The following CD200R1L variants were observed in gnomAD, a reference collection of about 807,000 sequenced individuals.
CD200R1L encodes CD200 receptor 1 like, also known as cell surface glycoprotein CD200 receptor 2.
In CD200R1L, 14 loss-of-function variants were observed where a neutral mutation model predicts 24.8. The observed-to-expected ratio is 0.56, with a 90% CI of 0.37 to 0.88. The LOEUF is 0.88. Among genes scored for constraint, CD200R1L ranks in the 40% least tolerant of loss-of-function variants. The pLI is 0.00. For synonymous variants in CD200R1L, 111 were observed against 109.2 expected, an observed-to-expected ratio of 1.02 and a Z score of -0.11; for missense variants, 299 against 297.8, an observed-to-expected ratio of 1.00 and a Z score of -0.03.
intron 3 of CD200R1L, among the ~76,000 whole-genome samples, chr3:112,835,950 C>G (rs1044690956): frequency 6.6e-6 from 1 of 152,238 alleles, no homozygotes; most frequent in Non-Finnish European, 1.5e-5. Context: ...GGCTGCACCC[C>G]CTCTCTGTGT....
intron 4 of CD200R1L, 55 bp downstream of exon 4, chr3:112,829,264 C>T (rs1938739254): frequency 5.8e-6 from 8 of 1,372,154 alleles, no homozygotes; most frequent in Admixed American, 3.4e-5. Flanking sequence ...AATGATTCTA[C>T]TGAAGTTCAA....
chr3:112,845,054 A>T (rs1939170124), intron 2 of CD200R1L, among the ~76,000 whole-genome samples: 1 of 152,184 alleles, frequency 6.6e-6, no homozygotes, highest in Non-Finnish European at 1.5e-5. Context: ...AACTGAATGA[A>T]ATTGAGATCC....
intron 4 of CD200R1L, among the ~76,000 whole-genome samples, chr3:112,828,005 G>T (rs1275915909): frequency 6.6e-6 from 1 of 152,144 alleles, no homozygotes; most frequent in Non-Finnish European, 1.5e-5. Context: ...AAAGAAAACA[G>T]AATTATAATT....
chr3:112,823,242 T>C (rs965596934), intron 6 of CD200R1L, among the ~76,000 whole-genome samples: 1 of 152,214 alleles, frequency 6.6e-6, no homozygotes, highest in African/African-American at 2.4e-5. Flanking sequence ...TTTGCTTAAA[T>C]AAACTCTTTT....
rs769396322 is a variant in CD200R1L at position 112,827,061 on chromosome 3, TTG to T, written c.546_547del (p.His182GlnfsTer91). On this transcript the variant is annotated frameshift_variant, in exon 6 of 8. Coordinates refer to ENST00000488794, the MANE Select transcript of CD200R1L (RefSeq NM_001199215.3). LOFTEE classifies it high-confidence loss of function. ...GGAGACATGGCAGGTCACAGTAGACTTGTGGCCCTCCCAGGGGCATGTACTCT... is the reference window on the plus strand; with the variant it reads ...GGAGACATGGCAGGTCACAGTAGACTTGGCCCTCCCAGGGGCATGTACTCT... The T allele has an allele frequency of 3.7e-6, 6 of 1,601,954 alleles. No homozygotes were observed. The highest frequency in any genetic ancestry group is 4.3e-6 in the Non-Finnish European group (5 of 1,173,060).
chr3:112,834,109 G>T (rs10511314), intron 3 of CD200R1L, among the ~76,000 whole-genome samples: 3 of 151,974 alleles, frequency 2.0e-5, no homozygotes. Context: ...GTTTGGAAAT[G>T]ATATCTTATG....
At position 112,827,018 on chromosome 3, in the gene CD200R1L, C is replaced by G. The variant is rs764759365; in HGVS notation, c.591G>C (p.Lys197Asn). ...TCHVSHLTGN[K>N]SLSVKLNSGL... is the part of the protein sequence containing the mutation. Reference sequence around the variant, plus strand: ...CTGAATTCAACTTTACGGACAGACTCTTGTTGCCAGTCAAATGGGAGACAT... The same window carrying G: ...CTGAATTCAACTTTACGGACAGACTGTTGTTGCCAGTCAAATGGGAGACAT... The change falls in exon 6 of 8, where the codon AAG becomes AAC. Residue 197 changes from lysine to asparagine, a missense_variant. Lys to Asn is a moderately conservative substitution (Grantham distance 94). Coordinates refer to ENST00000488794, the MANE Select transcript of CD200R1L (RefSeq NM_001199215.3). The G allele has an allele frequency of 1.9e-6, 3 of 1,611,796 alleles. No homozygotes were observed. Among genetic ancestry groups the G allele is most frequent in the Non-Finnish European group, 2.5e-6 (3 of 1,179,606 alleles).
chr3:112,839,150 A>G (rs1392142289), intron 2 of CD200R1L, among the ~76,000 whole-genome samples: 2 of 152,214 alleles, frequency 1.3e-5, no homozygotes, highest in African/African-American at 4.8e-5. Flanking sequence ...TGACTGATAC[A>G]GATTTGGTAC....
intron 2 of CD200R1L, among the ~76,000 whole-genome samples, chr3:112,839,980 C>T (rs1037889951): frequency 3.3e-5 from 5 of 152,138 alleles, no homozygotes; most frequent in Non-Finnish European, 7.3e-5. Context: ...AGAGTGTGAC[C>T]CACAAGAAGT....
At chr3:112,829,230 TG>T in intron 4 of CD200R1L, 88 bp downstream of exon 4, 1 of 982,882 alleles carries the variant, frequency 1.0e-6, no homozygotes. Flanking sequence ...GTCACAAGGC[TG>T]GCCTCCAGCC....
chr3:112,825,169 G>T (rs1372136071), intron 6 of CD200R1L, among the ~76,000 whole-genome samples: 1 of 151,926 alleles, frequency 6.6e-6, no homozygotes, highest in Admixed American at 6.6e-5. Context: ...AACCTGGGAG[G>T]TGGAGCTTGC....
intron 6 of CD200R1L, among the ~76,000 whole-genome samples, chr3:112,824,533 C>T (rs1295757350): frequency 6.6e-6 from 1 of 151,852 alleles, no homozygotes; most frequent in African/African-American, 2.4e-5. Flanking sequence ...TACTCAAGTA[C>T]AAAGGTAGAA....
chr3:112,829,411 C>A (rs200807679), intron 3 of CD200R1L, 27 bp from the exon 4 acceptor site: 4 of 1,595,938 alleles, frequency 2.5e-6, no homozygotes. Flanking sequence ...GAAGAATAAG[C>A]GAAATCAATT....
intron 6 of CD200R1L, among the ~76,000 whole-genome samples, chr3:112,821,628 G>A (rs1576086190): frequency 1.4e-5 from 2 of 145,782 alleles, no homozygotes; most frequent in Admixed American, 7.1e-5. Context: ...ACAGATCACC[G>A]ACTGTTTCTG....
chr3:112,823,288 G>A (rs1938582948), intron 6 of CD200R1L, among the ~76,000 whole-genome samples: 1 of 152,178 alleles, frequency 6.6e-6, no homozygotes, highest in Non-Finnish European at 1.5e-5. Context: ...ATTTCAGGTT[G>A]ACATGAGTTC....
chr3:112,820,378 G>A (rs573921179), intron 6 of CD200R1L, among the ~76,000 whole-genome samples: 11 of 152,166 alleles, frequency 7.2e-5, no homozygotes, highest in African/African-American at 2.2e-4. Flanking sequence ...CCTGTGAAAT[G>A]GCCCTAGGAA....
In CD200R1L at chr3:112,835,966, C is replaced by T. The variant is rs558631130; in HGVS notation, c.-18+1976G>A. On this transcript the variant is annotated intron_variant, in intron 3 of 7. Coordinates refer to ENST00000488794, the MANE Select transcript of CD200R1L (RefSeq NM_001199215.3). ...GCTGCACCCCCTCTCTGTGTTTTCCCCACAGCCGCAGTAGGCAAAGAGCAG... is the reference window on the plus strand; with the variant it reads ...GCTGCACCCCCTCTCTGTGTTTTCCTCACAGCCGCAGTAGGCAAAGAGCAG... 8.9e-4 allele frequency among the ~76,000 whole-genome samples: 136 copies of T among 152,356 alleles called. 1 individual carries two copies. The highest frequency in any genetic ancestry group is 3.1e-3 in the African/African-American group (130 of 41,594).
At chr3:112,826,912 T>A (rs1207034266) in intron 6 of CD200R1L, 81 bp downstream of exon 6, 1 of 1,480,666 alleles carries the variant, frequency 6.8e-7, no homozygotes, top group South Asian at 1.4e-5. Flanking sequence ...TTTTCTTACC[T>A]GCTGTTTGGT....
chr3:112,824,530 G>T (rs1938612874), intron 6 of CD200R1L, among the ~76,000 whole-genome samples: 1 of 152,184 alleles, frequency 6.6e-6, no homozygotes, highest in Non-Finnish European at 1.5e-5. Flanking sequence ...GGTTACTCAA[G>T]TACAAAGGTA....
Sources: gnomAD v4.1 joint callset for allele counts (sites outside exome capture counted in the v4.1 genomes callset) on GRCh38, gnomAD v4.1.1 for gene constraint, MANE v1.5 for transcripts, NCBI Gene and HGNC (gene_info 2026-07-23, HGNC 2026-07-21) for gene names.